Variants in STPG2 observed in about 807,000 individuals in gnomAD.
The protein encoded by STPG2 is sperm-tail PG-rich repeat-containing protein 2.
STPG2 carries 56 observed loss-of-function variants against 54.2 expected under a neutral mutation model. That is an observed-to-expected ratio of 1.03 (90% CI 0.83 to 1.29). The LOEUF is 1.29. Ranked by LOEUF, STPG2 falls within the 50% of genes most tolerant of loss-of-function variation. The pLI, the probability that STPG2 is intolerant of heterozygous loss-of-function variation, is 0.00. For synonymous variants in STPG2, 200 were observed against 181.8 expected, an observed-to-expected ratio of 1.10 and a Z score of -0.81; for missense variants, 596 against 544.9, an observed-to-expected ratio of 1.09 and a Z score of -0.93.
intron 10 of STPG2, among the ~76,000 whole-genome samples, chr4:97,643,266 A>G (rs1326102513): frequency 6.6e-6 from 1 of 151,570 alleles, no homozygotes; most frequent in Non-Finnish European, 1.5e-5. Flanking sequence ...AATTATCTCC[A>G]TTTTCTAACA....
intron 10 of STPG2, among the ~76,000 whole-genome samples, chr4:97,707,674 G>T (rs1362728542): frequency 6.6e-6 from 1 of 152,066 alleles, no homozygotes; most frequent in East Asian, 1.9e-4. Context: ...CATCAATAAG[G>T]GCCTTCTGAA....
chr4:97,771,726 C>A (rs534381839), intron 9 of STPG2, among the ~76,000 whole-genome samples: 1 of 152,218 alleles, frequency 6.6e-6, no homozygotes, highest in Admixed American at 6.5e-5. Context: ...GCTAGTGGGG[C>A]TAGACAAATG....
chr4:97,736,634 C>T (rs1344062582), intron 9 of STPG2, among the ~76,000 whole-genome samples: 2 of 152,162 alleles, frequency 1.3e-5, no homozygotes, highest in Non-Finnish European at 2.9e-5. Context: ...GATCAAACTG[C>T]AAGGTGGCAG....
chr4:97,825,083 T>C (rs1187328576), intron 9 of STPG2, among the ~76,000 whole-genome samples: 1 of 152,090 alleles, frequency 6.6e-6, no homozygotes, highest in African/African-American at 2.4e-5. Flanking sequence ...TGAAAGTGGA[T>C]ATTCAAGCTC....
At chr4:97,978,602 C>A (rs942631417) in intron 6 of STPG2, among the ~76,000 whole-genome samples, 19 of 151,984 alleles carry the variant, frequency 1.3e-4, no homozygotes, top group African/African-American at 4.6e-4. Context: ...TACAAGAAAC[C>A]CCCACGACAC....
chr4:97,749,020 G>C (rs1411206658), intron 9 of STPG2, among the ~76,000 whole-genome samples: 1 of 151,508 alleles, frequency 6.6e-6, no homozygotes, highest in Admixed American at 6.6e-5. Context: ...TTGGGTGTCT[G>C]TTCTCTAGGG....
intron 4 of STPG2, among the ~76,000 whole-genome samples, chr4:97,510,575 AG>A (rs1289885494): frequency 4.6e-5 from 7 of 152,076 alleles, no homozygotes; most frequent in Non-Finnish European, 7.4e-5. Flanking sequence ...TTTTGGCACC[AG>A]GGACCAGTTT....
chr4:97,488,324 ATTAAT>A (rs1318527832), intron 4 of STPG2, among the ~76,000 whole-genome samples: 1 of 151,732 alleles, frequency 6.6e-6, no homozygotes, highest in East Asian at 1.9e-4. Context: ...CTTCAAATAC[ATTAAT>A]TTAATCTCAA....
chr4:98,137,522 A>AT (rs1740168518), intron 1 of STPG2, among the ~76,000 whole-genome samples: 2 of 151,560 alleles, frequency 1.3e-5, no homozygotes, highest in Admixed American at 1.3e-4. Flanking sequence ...ATTTTATGTG[A>AT]TTTTCTATGT....
At chr4:97,709,870 G>C (rs1337288215) in intron 10 of STPG2, among the ~76,000 whole-genome samples, 1 of 151,724 alleles carries the variant, frequency 6.6e-6, no homozygotes, top group Non-Finnish European at 1.5e-5. Context: ...AAGTCAATGA[G>C]GAAAAATTTA....
intron 10 of STPG2, among the ~76,000 whole-genome samples, chr4:97,709,492 T>C (rs1334218734): frequency 9.9e-6 from 1 of 101,338 alleles, no homozygotes; most frequent in Non-Finnish European, 2.0e-5. Flanking sequence ...AAAATTATAC[T>C]CATAAAATGA....
intron 10 of STPG2, among the ~76,000 whole-genome samples, chr4:97,659,422 G>C (rs1037409727): frequency 2.3e-5 from 2 of 85,464 alleles, no homozygotes; most frequent in African/African-American, 1.1e-4. Context: ...ATAGACTTTA[G>C]ATCCCTACAG....
chr4:97,930,050 C>A (rs966230665), intron 8 of STPG2, among the ~76,000 whole-genome samples: 1 of 152,134 alleles, frequency 6.6e-6, no homozygotes, highest in Non-Finnish European at 1.5e-5. Context: ...AGGCAAGCAC[C>A]ACCACGCCCA....
At chr4:97,935,414 T>A (rs1288301706) in intron 8 of STPG2, among the ~76,000 whole-genome samples, 1 of 152,196 alleles carries the variant, frequency 6.6e-6, no homozygotes, top group African/African-American at 2.4e-5. Context: ...ATTTCTTGTC[T>A]TCTGCTAGCT....
intron 9 of STPG2, among the ~76,000 whole-genome samples, chr4:97,828,421 T>C (rs901656483): frequency 6.6e-6 from 1 of 152,138 alleles, no homozygotes; most frequent in African/African-American, 2.4e-5. Context: ...CCAGTGCCTA[T>C]GCCATCAGGG....
intron 5 of STPG2, among the ~76,000 whole-genome samples, chr4:98,003,032 T>A (rs540423899): frequency 6.6e-6 from 1 of 152,098 alleles, no homozygotes; most frequent in Non-Finnish European, 1.5e-5. Flanking sequence ...TAGGTTATAT[T>A]TGCAGTTCAT....
chr4:97,583,416 C>G (rs145598031), intron 10 of STPG2, among the ~76,000 whole-genome samples: 1 of 152,056 alleles, frequency 6.6e-6, no homozygotes, highest in African/African-American at 2.4e-5. Context: ...ATTAACAGAA[C>G]CTTTAAAAAT....
intron 10 of STPG2, among the ~76,000 whole-genome samples, chr4:97,596,868 A>C (rs1260568537): frequency 1.3e-5 from 2 of 152,150 alleles, no homozygotes; most frequent in Non-Finnish European, 2.9e-5. Context: ...TAGAGAAACA[A>C]GAGCAAACAA....
At chr4:97,519,453 T>C (rs575872508) in intron 4 of STPG2, among the ~76,000 whole-genome samples, 2 of 152,054 alleles carry the variant, frequency 1.3e-5, no homozygotes, top group Admixed American at 1.3e-4. Context: ...CCCACTGAGA[T>C]ACCCAGAACT....
Sources: gnomAD v4.1 joint callset for allele counts (sites outside exome capture counted in the v4.1 genomes callset) on GRCh38, gnomAD v4.1.1 for gene constraint, MANE v1.5 for transcripts, NCBI Gene and HGNC (gene_info 2026-07-23, HGNC 2026-07-21) for gene names.